The following SLC22A16 variants were observed in gnomAD, a reference collection of about 807,000 sequenced individuals.
SLC22A16 encodes the protein solute carrier family 22 member 16, also known as WUGSC:RG331P03.1.
In SLC22A16, 53 loss-of-function variants were observed where a neutral mutation model predicts 52.9. That is an observed-to-expected ratio of 1.00 (90% CI 0.80 to 1.26). The LOEUF (loss-of-function observed/expected upper bound fraction) is 1.26, where lower values mean the gene tolerates loss of function less well. Ranked by LOEUF, SLC22A16 falls within the 50% of genes most tolerant of loss-of-function variation. SLC22A16 has a pLI of 0.00. For synonymous variants in SLC22A16, 291 were observed against 268.8 expected, an observed-to-expected ratio of 1.08 and a Z score of -0.81; for missense variants, 726 against 704.0, an observed-to-expected ratio of 1.03 and a Z score of -0.35.
intron 4 of SLC22A16, among the ~76,000 whole-genome samples, chr6:110,441,441 C>T (rs983107166): frequency 6.6e-5 from 10 of 152,146 alleles, no homozygotes; most frequent in South Asian, 2.1e-4. Context: ...CACGGTTTTA[C>T]GAGTCTGATC....
Position 110,431,201 on chromosome 6 carries a change from G to A in SLC22A16, c.1491C>T (p.Asp497=). ...GTATGAAGATCCAAATGCTGCTGAG[G>A]TCCACAGAGAACGGCGCCAGGATGC... is the stretch of plus-strand genomic sequence containing the variant. ...LASILAPFSV[D]LSSIWIFIPQ... Residue 497 remains aspartate, a synonymous_variant, in exon 7 of 8, where the codon GAC becomes GAT. Transcript: ENST00000368919. 6.2e-7 allele frequency: 1 copy of A among 1,613,864 alleles called. No individual in the cohort carries two copies. Among genetic ancestry groups the A allele is most frequent in the Non-Finnish European group, 8.5e-7 (1 of 1,179,998 alleles).
At position 110,442,645 on chromosome 6, in the gene SLC22A16, C is replaced by G; in HGVS notation, c.782G>C (p.Gly261Ala). The G allele has an allele frequency of 6.2e-7, 1 of 1,614,180 alleles. No individual in the cohort carries two copies. Among genetic ancestry groups the G allele is most frequent in the Non-Finnish European group, 8.5e-7 (1 of 1,180,024 alleles). ...AVGTLLVALT[G>A]YLVRTWWLYQ... is the part of the protein sequence containing the mutation. ...AAGCCACCAGGTCCTGACCAAGTAT[C>G]CTGTCAAAGCCACCAGCAGGGTTCC... is the stretch of plus-strand genomic sequence containing the variant. Residue 261 changes from glycine (G) to alanine (A), a missense_variant, in exon 4 of 8, where the codon GGA becomes GCA. Physicochemically the swap from Gly to Ala is moderately conservative, Grantham distance 60. Transcript: ENST00000368919.
chr6:110,431,260 C>T lies in SLC22A16; in HGVS notation c.1432G>A (p.Val478Met), dbSNP rs1774491108. The T allele has an allele frequency of 1.2e-6, 2 of 1,612,254 alleles. No individual in the cohort carries two copies. Among genetic ancestry groups the T allele is most frequent in the Non-Finnish European group, 8.5e-7 (1 of 1,179,888 alleles). Residue 478 changes from valine (V) to methionine (M), a missense_variant, in exon 7 of 8, where the codon GTG (valine) becomes ATG (methionine). Coordinates refer to ENST00000368919, the MANE Select transcript of SLC22A16 (RefSeq NM_033125.4). ...CGACACACCATGCTGCCGCTTCCCA[C>T]AGCCAGCGATCTGGAAACAGAGGAG... The part of the protein sequence containing the change: ...LYPTIVRSLA[V>M]GSGSMVCRLA...
At chr6:110,471,857 C>T (rs1776271424) in intron 1 of SLC22A16, among the ~76,000 whole-genome samples, 1 of 152,108 alleles carries the variant, frequency 6.6e-6, no homozygotes, top group African/African-American at 2.4e-5. Flanking sequence ...TCTACAGCGC[C>T]CAGGGAGAGG....
chr6:110,443,603 C>T (rs1775058952), intron 3 of SLC22A16, among the ~76,000 whole-genome samples: 1 of 151,958 alleles, frequency 6.6e-6, no homozygotes, highest in African/African-American at 2.4e-5. Flanking sequence ...TGTATAATGG[C>T]ACAGCCTCTA....
At chr6:110,426,051 T>A (rs1043944556) in intron 7 of SLC22A16, among the ~76,000 whole-genome samples, 1 of 152,236 alleles carries the variant, frequency 6.6e-6, no homozygotes, top group Non-Finnish European at 1.5e-5. Context: ...CCAGATCACA[T>A]CCATAACAGA....
chr6:110,451,423 C>A lies in SLC22A16; in HGVS notation c.534-4433G>T, dbSNP rs77611548. Among the ~76,000 whole-genome samples the A allele has an allele frequency of 2.0e-5, 3 of 152,202 alleles. No homozygotes were observed. In the East Asian group the frequency reaches 5.8e-4, roughly 29 times the overall value. On this transcript the variant is annotated intron_variant, in intron 2 of 7. Transcript: ENST00000368919. ...GATTCTCAGTTTGCATTCACACCAG[C>A]AGGATGAGAGATCCTATTACTCCAT...
At chr6:110,461,532 G>T (rs995934340) in intron 1 of SLC22A16, among the ~76,000 whole-genome samples, 7 of 152,098 alleles carry the variant, frequency 4.6e-5, no homozygotes, top group African/African-American at 1.7e-4. Flanking sequence ...TACTGGACTA[G>T]AGACTGAACT....
At position 110,442,431 on chromosome 6, in the gene SLC22A16, A is replaced by T; in HGVS notation, c.996T>A (p.Gly332=). The T allele has an allele frequency of 3.7e-6, 6 of 1,614,234 alleles. No individual in the cohort carries two copies. The highest frequency in any genetic ancestry group is 5.1e-6 in the Non-Finnish European group (6 of 1,180,048). ...LSELLSLDLQ[G]PVSNSPTEVQ... The stretch of plus-strand genomic sequence containing the variant: ...CTTCAGTGGGGCTATTACTAACAGG[A>T]CCTTGTAGGTCCAGTGATAAAAGTT... The change falls in exon 4 of 8, where the codon GGT becomes GGA. Residue 332 remains glycine (G), a synonymous_variant. Transcript: ENST00000368919.
At chr6:110,476,109 A>T (rs1776460835) in intron 1 of SLC22A16, 1 of 415,370 alleles carries the variant, frequency 2.4e-6, no homozygotes, top group African/African-American at 2.1e-5. Flanking sequence ...GGCGCAGGGC[A>T]GAACTGGGCA....
At chr6:110,438,874 A>C in intron 4 of SLC22A16, 27 bp from the exon 5 acceptor site, 2 of 1,612,240 alleles carry the variant, frequency 1.2e-6, no homozygotes, top group East Asian at 4.5e-5. Flanking sequence ...AGCCCTCTAT[A>C]AGTCTAGGTA....
chr6:110,445,097 AGAATTCC>A (rs370640988), intron 3 of SLC22A16, among the ~76,000 whole-genome samples: 10 of 152,292 alleles, frequency 6.6e-5, no homozygotes, highest in African/African-American at 1.4e-4. Context: ...CATAGCAGCC[AGAATTCC>A]TGGAATCCCT....
chr6:110,438,969 A>T, intron 4 of SLC22A16, 122 bp from the exon 5 acceptor site: 1 of 1,243,710 alleles, frequency 8.0e-7, no homozygotes, highest in Non-Finnish European at 1.1e-6. Context: ...GGGCCTTTAG[A>T]AACTCTCTAA....
intron 2 of SLC22A16, among the ~76,000 whole-genome samples, chr6:110,454,866 TTA>T (rs1313941589): frequency 9.5e-4 from 78 of 81,682 alleles, no homozygotes; most frequent in Non-Finnish European, 1.4e-3. Flanking sequence ...ATATGTTATA[TTA>T]TATATAATAT....
intron 4 of SLC22A16, chr6:110,440,253 C>T (rs901612232): frequency 6.6e-6 from 1 of 152,472 alleles, no homozygotes. Flanking sequence ...AATCCTCCCT[C>T]CTCAGCCTCC....
At chr6:110,435,468 T>C (rs1030798012) in intron 6 of SLC22A16, among the ~76,000 whole-genome samples, 5 of 152,024 alleles carry the variant, frequency 3.3e-5, no homozygotes, top group African/African-American at 1.2e-4. Flanking sequence ...GAAAATAAAT[T>C]TCTATTGTTT....
At chr6:110,473,773 C>T (rs1028288085) in intron 1 of SLC22A16, among the ~76,000 whole-genome samples, 2 of 151,854 alleles carry the variant, frequency 1.3e-5, no homozygotes, top group Non-Finnish European at 2.9e-5. Context: ...GATCTGCCTG[C>T]CTCAGCCTCC....
chr6:110,473,208 T>TATATACTGA, intron 1 of SLC22A16, among the ~76,000 whole-genome samples: 1 of 152,272 alleles, frequency 6.6e-6, no homozygotes, highest in African/African-American at 2.4e-5. Context: ...AGAAAAACTC[T>TATATACTGA]ATATACTGAA....
chr6:110,445,118 G>A lies in SLC22A16; in HGVS notation c.651+1755C>T, dbSNP rs541880244. The stretch of plus-strand genomic sequence containing the variant: ...AGCCAGAATTCCTGGAATCCCTTTT[G>A]TGGATTGCCATTGCCTTTAGGAGAT... On this transcript the variant is annotated intron_variant, in intron 3 of 7. Coordinates refer to ENST00000368919, the MANE Select transcript of SLC22A16 (RefSeq NM_033125.4). Among the ~76,000 whole-genome samples, 36 of 152,162 alleles carry A rather than the reference G, an allele frequency of 2.4e-4. No homozygotes were observed. The South Asian group carries it at 7.5e-3, about 32-fold the overall frequency.
Sources: allele counts gnomAD v4.1 joint callset (sites outside exome capture counted in the v4.1 genomes callset), GRCh38; gene constraint gnomAD v4.1.1; transcripts MANE v1.5; gene names NCBI Gene and HGNC (gene_info 2026-07-23, HGNC 2026-07-21).